Variants in NOL6 observed in about 807,000 individuals in gnomAD.
NOL6 encodes nucleolar RNA-associated protein.
NOL6 carries 33 observed loss-of-function variants against 131.7 expected under a neutral mutation model. That is an observed-to-expected ratio of 0.25 (90% confidence interval 0.19 to 0.33). The LOEUF is 0.33. Ranked by LOEUF, NOL6 falls within the 10% of genes least tolerant of loss-of-function variation. The probability of loss-of-function intolerance (pLI) is 1.00; values close to 1 mark genes in which losing one functional copy is unlikely to be tolerated. For synonymous variants in NOL6, 580 were observed against 605.7 expected (o/e 0.96, Z 0.62); for missense variants, 1,297 against 1,494.5 (o/e 0.87, Z 2.18).
At chr9:33,463,561 C>T in intron 23 of NOL6, 120 bp from the exon 24 acceptor site, 3 of 920,458 alleles carry the variant, frequency 3.3e-6, no homozygotes, top group Middle Eastern at 2.9e-4. Context: ...TATGGGCCCA[C>T]CTGCCCATTT....
At position 33,467,629 on chromosome 9, in the gene NOL6, T is replaced by C; in HGVS notation, c.1602+62A>G. On this transcript the variant is annotated intron_variant, in intron 12 of 25. Coordinates refer to ENST00000297990, the MANE Select transcript of NOL6 (RefSeq NM_022917.5). The surrounding 1 kb of genome is among the most constrained non-coding windows in gnomAD (Gnocchi z 4.4). The stretch of plus-strand genomic sequence containing the variant: ...CTGGAGGAATGGTGTGTCCTTTGTG[T>C]CTCTTGGGACCCTGGATCCAGCCCA... The C allele has an allele frequency of 6.4e-7, 1 of 1,556,996 alleles. No homozygotes were observed. The highest frequency in any genetic ancestry group is 8.7e-7 in the Non-Finnish European group (1 of 1,149,910).
In NOL6 at chr9:33,473,791, C is replaced by T. The variant is rs554752206; in HGVS notation, c.52G>A (p.Glu18Lys). Reference protein sequence around the residue: ...EQLRGATGEPEVMEPALEGTG... With the variant: ...EQLRGATGEPKVMEPALEGTG... ...TCCTCCCCGATGGCTCAACCCACCT[C>T]TGGCTCTCCAGTCGCTCCGCGAAGC... Residue 18 changes from glutamate (E) to lysine (K), a missense_variant and splice_region_variant, in exon 1 of 26, where the codon GAG becomes AAG. Transcript: ENST00000297990. 2.7e-4 allele frequency: 432 copies of T among 1,612,076 alleles called. 6 individuals are homozygous for T. The South Asian group carries it at 4.1e-3, about 15-fold the overall frequency.
chr9:33,464,604 T>C (rs1352608574), intron 21 of NOL6, among the ~76,000 whole-genome samples: 1 of 152,034 alleles, frequency 6.6e-6, no homozygotes, highest in Non-Finnish European at 1.5e-5. Context: ...CTAATACTTC[T>C]TACGTGGTAT....
rs1827108864 is a variant in NOL6, at chr9:33,462,099, C to T, written c.*565G>A. ...TCTCCACCCTGGGAAGTGGCATCAACACAGGAGGGCATTGTGCTCCTTCAA... is the reference window on the plus strand; with the variant it reads ...TCTCCACCCTGGGAAGTGGCATCAATACAGGAGGGCATTGTGCTCCTTCAA... On this transcript the variant is annotated 3_prime_UTR_variant, in exon 26 of 26. Transcript: ENST00000297990. The T allele has an allele frequency of 1.4e-6, 1 of 716,506 alleles. No individual in the cohort carries two copies. Among genetic ancestry groups the T allele is most frequent in the African/African-American group, 1.7e-5 (1 of 57,248 alleles). 44.4% of individuals were successfully genotyped at this position (716,506 alleles called of 1,614,324 possible). A position where few individuals can be genotyped will look rare whatever the true frequency, so the allele number is the denominator to read the frequency against.
intron 4 of NOL6, 44 bp from the exon 5 acceptor site, chr9:33,469,711 T>A: frequency 6.3e-7 from 1 of 1,585,130 alleles, no homozygotes; most frequent in Non-Finnish European, 8.5e-7. Context: ...ACATAAGTGC[T>A]TGTGGAGCTG....
intron 1 of NOL6, chr9:33,472,619 C>CT: frequency 1.7e-6 from 1 of 592,576 alleles, no homozygotes; most frequent in Non-Finnish European, 3.0e-6. Context: ...GTTAAGAGCT[C>CT]TCCTGTCTAC....
chr9:33,463,926 G>T lies in NOL6; in HGVS notation c.2905-6C>A. 2 of 1,614,116 alleles carry T rather than the reference G, an allele frequency of 1.2e-6. No homozygotes were observed. Among genetic ancestry groups the T allele is most frequent in the Non-Finnish European group, 1.7e-6 (2 of 1,180,018 alleles). On this transcript the variant is annotated splice_region_variant and splice_polypyrimidine_tract_variant and intron_variant, in intron 22 of 25. Transcript: ENST00000297990. ...ACCACAAGCTGCTGCAGGATCTGCGGGGTACAGACACATCAGACTGGAACT... is the reference window on the plus strand; with the variant it reads ...ACCACAAGCTGCTGCAGGATCTGCGTGGTACAGACACATCAGACTGGAACT...
intron 1 of NOL6, among the ~76,000 whole-genome samples, chr9:33,472,995 G>A (rs1168533846): frequency 6.7e-6 from 1 of 148,428 alleles, no homozygotes; most frequent in Non-Finnish European, 1.5e-5. Context: ...AAAAGAAGCT[G>A]ACTGAGCCCT....
At chr9:33,464,278 TC>T (rs370210943) in intron 21 of NOL6, 117 bp from the exon 22 acceptor site, 20 of 1,191,612 alleles carry the variant, frequency 1.7e-5, no homozygotes, top group East Asian at 2.6e-5. Flanking sequence ...TTTTCAACAC[TC>T]CCCCCCACCA....
chr9:33,472,652 C>G (rs931885152), intron 1 of NOL6: 3 of 559,000 alleles, frequency 5.4e-6, no homozygotes, highest in Non-Finnish European at 9.6e-6. Context: ...GCATGGAGCT[C>G]TGTTTGGAAT....
In NOL6 at chr9:33,462,508, T is replaced by C. The variant is rs1827119375; in HGVS notation, c.*156A>G. 3 of 815,264 alleles carry C rather than the reference T, an allele frequency of 3.7e-6. No individual in the cohort carries two copies. Among genetic ancestry groups the C allele is most frequent in the Admixed American group, 5.5e-5 (2 of 36,418 alleles). 50.5% of individuals were successfully genotyped at this position (815,264 alleles called of 1,614,324 possible). On this transcript the variant is annotated 3_prime_UTR_variant, in exon 26 of 26. Coordinates refer to ENST00000297990, the MANE Select transcript of NOL6 (RefSeq NM_022917.5). ...AATGCTGGAGCATCAGAGAGAAAGT[T>C]GGGGCTGGGTTTTGTTGGAGATGAT...
chr9:33,468,806 T>A lies in NOL6; in HGVS notation c.1093A>T (p.Ile365Phe). Residue 365 changes from isoleucine (I) to phenylalanine (F), a missense_variant, in exon 8 of 26, where the codon ATC becomes TTC. Ile to Phe is a conservative substitution (Grantham distance 21). Transcript: ENST00000297990. ...LVVFLVSTRK[I>F]HTTMSGYQVL... is the part of the protein sequence containing the mutation. ...TGGTAGCCACTCATGGTGGTATGGA[T>A]CTTGCGTGTAGACACAAGGAAGACA... is the stretch of plus-strand genomic sequence containing the variant. 21 of 1,614,132 alleles carry A rather than the reference T, an allele frequency of 1.3e-5. No individual in the cohort carries two copies. The highest frequency in any genetic ancestry group is 1.8e-5 in the Non-Finnish European group (21 of 1,180,016).
At position 33,467,175 on chromosome 9, in the gene NOL6, C is replaced by A; in HGVS notation, c.1813G>T (p.Ala605Ser). 6.2e-7 allele frequency: 1 copy of A among 1,614,206 alleles called. No individual in the cohort carries two copies. Among genetic ancestry groups the A allele is most frequent in the East Asian group, 2.2e-5 (1 of 44,888 alleles). The change falls in exon 14 of 26, where the codon GCA becomes TCA. Residue 605 changes from alanine (A) to serine (S), a missense_variant. By Grantham distance (99) the Ala-to-Ser change is moderately conservative. Transcript: ENST00000297990. The surrounding 1 kb of genome is among the most constrained non-coding windows in gnomAD (Gnocchi z 4.4). ...GAIREAVVWE[A>S]ASMSQKRLIP... ...AGGCGCTTCTGGGACATAGAGGCTGCCTCCCAGACCACAGCTTCCCGAATG... is the reference window on the plus strand; with the variant it reads ...AGGCGCTTCTGGGACATAGAGGCTGACTCCCAGACCACAGCTTCCCGAATG...
In NOL6 at chr9:33,473,885, G is replaced by T. The variant is rs781309454; in HGVS notation, c.-43C>A. The T allele has an allele frequency of 1.2e-6, 2 of 1,606,320 alleles. No homozygotes were observed. The highest frequency in any genetic ancestry group is 1.7e-5 in the Admixed American group (1 of 59,854). ...TCTCCCGCACTTCAGATTCTAGCCGGGTCTATACCTCATAGCTTCCCACGT... is the reference window on the plus strand; with the variant it reads ...TCTCCCGCACTTCAGATTCTAGCCGTGTCTATACCTCATAGCTTCCCACGT... On this transcript the variant is annotated 5_prime_UTR_variant, in exon 1 of 26. Transcript: ENST00000297990.
rs1198570171 is a variant in NOL6, at chr9:33,467,905, G to A, written c.1425-37C>T. 1.3e-6 allele frequency: 2 copies of A among 1,582,982 alleles called. No individual in the cohort carries two copies. Among genetic ancestry groups the A allele is most frequent in the African/African-American group, 1.3e-5 (1 of 74,302 alleles). ...CAAAGGGCCAAAGAGGGGTAATCAG[G>A]TTGCTGGCCCCTAGTACCACCTCCT... On this transcript the variant is annotated intron_variant, in intron 11 of 25. Coordinates refer to ENST00000297990, the MANE Select transcript of NOL6 (RefSeq NM_022917.5). This position sits in a 1 kb window ranked among gnomAD's most constrained non-coding sequence, Gnocchi z 4.4.
chr9:33,467,938 T>C lies in NOL6; in HGVS notation c.1425-70A>G, dbSNP rs776972357. On this transcript the variant is annotated intron_variant, in intron 11 of 25. Coordinates refer to ENST00000297990, the MANE Select transcript of NOL6 (RefSeq NM_022917.5). The surrounding 1 kb of genome is among the most constrained non-coding windows in gnomAD (Gnocchi z 4.4). ...CCCCTAGTACCACCTCCTCCCTGAA[T>C]GATCTGAGCACCTGTCTGAAGACCT... 4 of 1,598,184 alleles carry C rather than the reference T, an allele frequency of 2.5e-6. No individual in the cohort carries two copies. The East Asian group carries it at 9.0e-5, about 36-fold the overall frequency.
chr9:33,472,790 T>C, intron 1 of NOL6: 2 of 284,678 alleles, frequency 7.0e-6, no homozygotes, highest in South Asian at 3.8e-5. Context: ...CTGGCCAACA[T>C]GGGGAAACTC....
At position 33,468,538 on chromosome 9, in the gene NOL6, G is replaced by A; in HGVS notation, c.1176C>T (p.Ile392=). 1 of 1,614,172 alleles carries A rather than the reference G, an allele frequency of 6.2e-7. No homozygotes were observed. Among genetic ancestry groups the A allele is most frequent in the Non-Finnish European group, 8.5e-7 (1 of 1,180,020 alleles). ...AGGGATCTGAGCTGAGACATAAACT[G>A]ATCCCGTTGACTGTCAGGTCTGTAG... is the stretch of plus-strand genomic sequence containing the variant. ...LATTDLTVNG[I]SLCLSSDPSL... Residue 392 remains isoleucine (I), a synonymous_variant, in exon 9 of 26, where the codon ATC becomes ATT. Coordinates refer to ENST00000297990, the MANE Select transcript of NOL6 (RefSeq NM_022917.5).
chr9:33,468,309 G>A lies in NOL6; in HGVS notation c.1308+12C>T. 2 of 1,612,416 alleles carry A rather than the reference G, an allele frequency of 1.2e-6. No homozygotes were observed. The highest frequency in any genetic ancestry group is 1.7e-6 in the Non-Finnish European group (2 of 1,178,556). On this transcript the variant is annotated intron_variant, in intron 10 of 25. Coordinates refer to ENST00000297990, the MANE Select transcript of NOL6 (RefSeq NM_022917.5). ...GACATCAGGGGAACACAGATTGGGG[G>A]CCCATTGGTACCTGGTGGTAAGTAG...
Sources: allele counts gnomAD v4.1 joint callset (sites outside exome capture counted in the v4.1 genomes callset), GRCh38; gene constraint gnomAD v4.1.1; non-coding constraint Gnocchi (gnomAD v3.1); transcripts MANE v1.5; gene names NCBI Gene and HGNC (gene_info 2026-07-23, HGNC 2026-07-21).